Variants in PRKCE observed in about 807,000 individuals in gnomAD.
PRKCE encodes protein kinase C epsilon type.
PRKCE carries 16 observed loss-of-function variants against 85.4 expected under a neutral mutation model. The observed-to-expected ratio is 0.19, with a 90% CI of 0.13 to 0.28. The LOEUF (loss-of-function observed/expected upper bound fraction) is 0.28, where lower values mean the gene tolerates loss of function less well. PRKCE is among the 10% of genes least tolerant of loss of function. The probability of loss-of-function intolerance (pLI) is 1.00; values close to 1 mark genes in which losing one functional copy is unlikely to be tolerated. For synonymous variants in PRKCE, 388 were observed against 371.5 expected, an observed-to-expected ratio of 1.04 and a Z score of -0.51; for missense variants, 573 against 975.2, an observed-to-expected ratio of 0.59 and a Z score of 5.49.
At chr2:45,985,138 C>T (rs766490860) in intron 6 of PRKCE, among the ~76,000 whole-genome samples, 3 of 152,138 alleles carry the variant, frequency 2.0e-5, no homozygotes, top group South Asian at 2.1e-4. Flanking sequence ...CTTGCTGACT[C>T]GTCACCAGCT....
At position 45,884,995 on chromosome 2, in the gene PRKCE, A is replaced by ATTTTTTTT. The variant is rs1210402363; in HGVS notation, c.412+41933_412+41934insTTTTTTTT. 2.7e-4 allele frequency among the ~76,000 whole-genome samples: 19 copies of ATTTTTTTT among 70,244 alleles called. No homozygotes were observed. The East Asian group carries it at 4.8e-3, about 18-fold the overall frequency. 46.1% of individuals were successfully genotyped at this position (70,244 alleles called of 152,430 possible). ...TATATATATATATATATATATATAT[A>ATTTTTTTT]TATATATTTGTTGTTGTTGTTGTTG... On this transcript the variant is annotated intron_variant, in intron 2 of 14. Transcript: ENST00000306156.
intron 2 of PRKCE, among the ~76,000 whole-genome samples, chr2:45,887,883 C>T (rs530719869): frequency 6.6e-6 from 1 of 152,312 alleles, no homozygotes; most frequent in South Asian, 2.1e-4. Context: ...CTAACTGGCC[C>T]AACTGAAATC....
intron 6 of PRKCE, among the ~76,000 whole-genome samples, chr2:45,991,920 G>C (rs995641718): frequency 6.6e-6 from 1 of 152,166 alleles, no homozygotes; most frequent in Non-Finnish European, 1.5e-5. Context: ...TCTGAGAGGT[G>C]TCATTTATGC....
intron 13 of PRKCE, among the ~76,000 whole-genome samples, chr2:46,154,684 T>C (rs906160726): frequency 6.6e-6 from 1 of 152,024 alleles, no homozygotes; most frequent in South Asian, 2.1e-4. Flanking sequence ...GCTGCCCTCT[T>C]AGTGCCAACA....
At chr2:45,992,430 G>C (rs1469939926) in intron 6 of PRKCE, among the ~76,000 whole-genome samples, 1 of 152,160 alleles carries the variant, frequency 6.6e-6, no homozygotes, top group African/African-American at 2.4e-5. Context: ...CCCCAGGGGG[G>C]CATCCCTCTT....
At chr2:45,880,848 G>A (rs1187979133) in intron 2 of PRKCE, among the ~76,000 whole-genome samples, 1 of 152,174 alleles carries the variant, frequency 6.6e-6, no homozygotes, top group East Asian at 1.9e-4. Flanking sequence ...ACTCAGAACA[G>A]TTCTTTTAAG....
chr2:45,823,394 G>C (rs544877804), intron 1 of PRKCE, among the ~76,000 whole-genome samples: 1 of 152,174 alleles, frequency 6.6e-6, no homozygotes, highest in Non-Finnish European at 1.5e-5. Context: ...AATTACTTTC[G>C]CAGACAGGCT....
At chr2:46,050,137 A>G (rs747941532) in intron 10 of PRKCE, among the ~76,000 whole-genome samples, 4 of 152,230 alleles carry the variant, frequency 2.6e-5, no homozygotes, top group Non-Finnish European at 5.9e-5. Flanking sequence ...CCTGTGATGC[A>G]CATTCCCAGA....
At chr2:45,862,989 C>T (rs1693291536) in intron 2 of PRKCE, among the ~76,000 whole-genome samples, 1 of 152,168 alleles carries the variant, frequency 6.6e-6, no homozygotes, top group Non-Finnish European at 1.5e-5. Flanking sequence ...GTGTCTCCAC[C>T]CCCTCTACTT....
At chr2:45,869,676 CTTTT>C (rs1558774075) in intron 2 of PRKCE, among the ~76,000 whole-genome samples, 1 of 137,526 alleles carries the variant, frequency 7.3e-6, no homozygotes, top group African/African-American at 2.7e-5. Context: ...TTACATTTTT[CTTTT>C]TGTTTTTGTT....
intron 1 of PRKCE, among the ~76,000 whole-genome samples, chr2:45,785,448 G>T (rs995368292): frequency 6.6e-6 from 1 of 151,814 alleles, no homozygotes; most frequent in African/African-American, 2.4e-5. Context: ...CCAAGATCAT[G>T]CCACTGCACT....
chr2:46,007,512 CGAG>C lies in PRKCE; in HGVS notation c.1118_1120del (p.Gly373del), dbSNP rs1558951204. ...TCGGAAAGCCTTGTCATTTGACAACCGAGGAGAGGAGCACCGGGCAGCATCGTC... is the reference window on the plus strand; with the variant it reads ...TCGGAAAGCCTTGTCATTTGACAACCGAGAGGAGCACCGGGCAGCATCGTC... On this transcript the variant is annotated inframe_deletion, in exon 9 of 15. Transcript: ENST00000306156. 4 of 1,599,728 alleles carry C rather than the reference CGAG, an allele frequency of 2.5e-6. No homozygotes were observed. The highest frequency in any genetic ancestry group is 3.4e-6 in the Non-Finnish European group (4 of 1,179,950).
chr2:46,159,885 G>A lies in PRKCE; in HGVS notation c.2067+133G>A. On this transcript the variant is annotated intron_variant, in intron 14 of 14. Transcript: ENST00000306156. The surrounding 1 kb of genome is among the most constrained non-coding windows in gnomAD (Gnocchi z 4.1). ...AAAATGACAAAGACCAGAGGTGGCT[G>A]AGGCTCTCCCTAAGACAATGTCTTT... 3.4e-6 allele frequency: 4 copies of A among 1,183,196 alleles called. No homozygotes were observed. In the South Asian group the frequency reaches 4.4e-5, roughly 13 times the overall value. 73.3% of individuals were successfully genotyped at this position (1,183,196 alleles called of 1,614,324 possible). A position where few individuals can be genotyped will look rare whatever the true frequency, so the allele number is the denominator to read the frequency against.
chr2:45,847,677 G>T (rs1381689816), intron 2 of PRKCE, among the ~76,000 whole-genome samples: 2 of 152,206 alleles, frequency 1.3e-5, no homozygotes, highest in Admixed American at 6.5e-5. Context: ...TCCAGGTCCT[G>T]CTTCCATTCA....
chr2:46,091,060 A>G (rs973662664), intron 11 of PRKCE, among the ~76,000 whole-genome samples: 3 of 151,598 alleles, frequency 2.0e-5, no homozygotes, highest in African/African-American at 7.3e-5. Context: ...GATAGACACA[A>G]TCTCCTTTTC....
chr2:45,743,495 G>T (rs1481236073), intron 1 of PRKCE, among the ~76,000 whole-genome samples: 1 of 151,424 alleles, frequency 6.6e-6, no homozygotes, highest in South Asian at 2.1e-4. Context: ...AGGAGCTTTC[G>T]AGAGTAGACT....
At chr2:45,725,526 T>C (rs1168962822) in intron 1 of PRKCE, among the ~76,000 whole-genome samples, 2 of 152,164 alleles carry the variant, frequency 1.3e-5, no homozygotes, top group African/African-American at 2.4e-5. Flanking sequence ...ATTGAAAACC[T>C]TCTGGAAAGG....
intron 1 of PRKCE, among the ~76,000 whole-genome samples, chr2:45,653,649 T>G (rs770590814): frequency 5.7e-4 from 87 of 152,140 alleles, no homozygotes; most frequent in Non-Finnish European, 9.6e-4. Flanking sequence ...GCATATCACC[T>G]TACATATTTT....
intron 1 of PRKCE, among the ~76,000 whole-genome samples, chr2:45,792,202 G>A (rs1420748934): frequency 6.6e-6 from 1 of 152,040 alleles, no homozygotes; most frequent in Admixed American, 6.6e-5. Context: ...CAAACCTGAG[G>A]GGTGTCCTGG....
Sources: gnomAD v4.1 joint callset for allele counts (sites outside exome capture counted in the v4.1 genomes callset) on GRCh38, gnomAD v4.1.1 for gene constraint, Gnocchi (gnomAD v3.1) non-coding constraint, MANE v1.5 for transcripts, NCBI Gene and HGNC (gene_info 2026-07-23, HGNC 2026-07-21) for gene names.